Variants in FRMD6 observed in about 807,000 individuals in gnomAD.
The protein encoded by FRMD6 is FERM domain containing 6, also known as FERM domain-containing protein 6.
Under a neutral mutation model 73.2 loss-of-function variants are expected in FRMD6, and 37 were observed. The observed-to-expected ratio is 0.51, with a 90% CI of 0.39 to 0.66. FRMD6 has a LOEUF of 0.66. Ranked by LOEUF, FRMD6 falls within the 30% of genes least tolerant of loss-of-function variation. FRMD6 has a pLI of 0.00. For synonymous variants in FRMD6, 273 were observed against 282.2 expected, an observed-to-expected ratio of 0.97 and a Z score of 0.33; for missense variants, 714 against 780.5, an observed-to-expected ratio of 0.91 and a Z score of 1.02.
the FRMD6 span, chr14:51,436,742 G>C: frequency 1.1e-5 from 6 of 538,036 alleles, no homozygotes; most frequent in Admixed American, 2.6e-5. Context: ...CTTGGTTTCC[G>C]ATATGGATGA....
chr14:51,581,778 GAGCAAA>G (rs1888739316), intron 2 of FRMD6, among the ~76,000 whole-genome samples: 1 of 152,148 alleles, frequency 6.6e-6, no homozygotes, highest in Admixed American at 6.5e-5. Flanking sequence ...AAGTTCAGTT[GAGCAAA>G]AGAACTTTAT....
In FRMD6 at chr14:51,509,528, AAAAACAAAAC is replaced by A. The variant is rs149803242; in HGVS notation, c.-210+20138_-210+20147del. Among the ~76,000 whole-genome samples, 106 of 150,356 alleles carry A rather than the reference AAAAACAAAAC, an allele frequency of 7.0e-4. No individual in the cohort carries two copies. In the South Asian group the frequency reaches 8.0e-3, roughly 11 times the overall value. On this transcript the variant is annotated intron_variant, in intron 1 of 14. Transcript: ENST00000356218. ...GGCGACAGTGCGAGACTCCGTCTCA[AAAAACAAAAC>A]AAAACAAAACAAAACAAAACAAAAC...
At chr14:51,497,158 G>A (rs536402132) in intron 1 of FRMD6, among the ~76,000 whole-genome samples, 19 of 151,930 alleles carry the variant, frequency 1.3e-4, no homozygotes, top group Non-Finnish European at 2.6e-4. Context: ...ACTCAAGCAG[G>A]CAGAATTCCT....
chr14:51,437,396 G>A, the FRMD6 span, among the ~76,000 whole-genome samples: 2 of 152,290 alleles, frequency 1.3e-5, no homozygotes, highest in African/African-American at 2.4e-5. Context: ...TCCGCCTGCC[G>A]GGTTCAAGCG....
chr14:51,491,119 G>A (rs1882979033), intron 1 of FRMD6, among the ~76,000 whole-genome samples: 1 of 152,178 alleles, frequency 6.6e-6, no homozygotes, highest in African/African-American at 2.4e-5. Context: ...GTGTCTCCAA[G>A]GGAAGCTTCT....
chr14:51,603,925 G>A lies in FRMD6; in HGVS notation c.-147+33515G>A, dbSNP rs181924757. On this transcript the variant is annotated intron_variant, in intron 2 of 14. Transcript: ENST00000356218. The stretch of plus-strand genomic sequence containing the variant: ...TGCCATACGATGTCCTGCCTTCCAC[G>A]GTAATTTCTCTTGTGATACAAAAAA... Among the ~76,000 whole-genome samples, 560 of 139,970 alleles carry A rather than the reference G, an allele frequency of 4.0e-3. 2 individuals carry two copies. Among genetic ancestry groups the A allele is most frequent in the Middle Eastern group, 0.01 (3 of 290 alleles). 91.8% of individuals were successfully genotyped at this position (139,970 alleles called of 152,430 possible).
intron 1 of FRMD6, among the ~76,000 whole-genome samples, chr14:51,657,111 A>G (rs1481517789): frequency 6.6e-6 from 1 of 152,230 alleles, no homozygotes; most frequent in Non-Finnish European, 1.5e-5. Flanking sequence ...GAAGTTTCTC[A>G]CTTAGCTTTT....
intron 1 of FRMD6, among the ~76,000 whole-genome samples, chr14:51,680,510 G>A (rs1332989139): frequency 6.6e-6 from 1 of 152,186 alleles, no homozygotes; most frequent in Non-Finnish European, 1.5e-5. Flanking sequence ...ATGGTGTTGA[G>A]AGACAAATAT....
chr14:51,588,155 A>G (rs4898703), intron 2 of FRMD6, among the ~76,000 whole-genome samples: 1 of 152,126 alleles, frequency 6.6e-6, no homozygotes, highest in Non-Finnish European at 1.5e-5. Flanking sequence ...ATGAAAACTT[A>G]CTTTTCTCCT....
chr14:51,518,151 T>C (rs559753590), intron 1 of FRMD6, among the ~76,000 whole-genome samples: 36 of 152,352 alleles, frequency 2.4e-4, no homozygotes, highest in African/African-American at 7.5e-4. Context: ...CCCCGTGGAA[T>C]TGGTGAAGCA....
chr14:51,665,787 G>A lies in FRMD6; in HGVS notation c.-147+13791G>A, dbSNP rs192825337. 9.1e-4 allele frequency among the ~76,000 whole-genome samples: 138 copies of A among 152,248 alleles called. 2 individuals are homozygous for A. Among genetic ancestry groups the A allele is most frequent in the Admixed American group, 5.4e-3 (82 of 15,298 alleles). ...TGAATCATGGCGGTGTGTCTTTCCC[G>A]TGCTGTTCTCGTGATAATGATTAAG... On this transcript the variant is annotated intron_variant, in intron 1 of 13. Transcript: ENST00000344768.
At chr14:51,439,603 G>A in the FRMD6 span, among the ~76,000 whole-genome samples, 17 of 152,274 alleles carry the variant, frequency 1.1e-4, no homozygotes, top group Middle Eastern at 3.4e-3. Context: ...CCACTAACGT[G>A]TTCACTAGGT....
intron 2 of FRMD6, among the ~76,000 whole-genome samples, chr14:51,622,697 G>T (rs940934162): frequency 1.3e-5 from 2 of 152,144 alleles, no homozygotes; most frequent in African/African-American, 4.8e-5. Flanking sequence ...GTATCCTAAA[G>T]ATTCATCCCA....
intron 2 of FRMD6, among the ~76,000 whole-genome samples, chr14:51,588,744 A>G (rs1195046042): frequency 6.6e-6 from 1 of 152,238 alleles, no homozygotes; most frequent in Non-Finnish European, 1.5e-5. Context: ...TGGCGAACTT[A>G]AACTGTAAAG....
At chr14:51,668,857 C>T (rs997813631) in intron 1 of FRMD6, among the ~76,000 whole-genome samples, 5 of 151,610 alleles carry the variant, frequency 3.3e-5, no homozygotes, top group Non-Finnish European at 2.9e-5. Flanking sequence ...TTAGCAGAGA[C>T]GGGGTTTCAC....
intron 1 of FRMD6, among the ~76,000 whole-genome samples, chr14:51,670,963 A>C (rs942742278): frequency 6.6e-6 from 1 of 152,202 alleles, no homozygotes; most frequent in Non-Finnish European, 1.5e-5. Flanking sequence ...ATGTTTTATC[A>C]TGAACATATG....
intron 2 of FRMD6, among the ~76,000 whole-genome samples, chr14:51,588,186 C>A (rs140505463): frequency 6.6e-6 from 1 of 152,032 alleles, no homozygotes; most frequent in Non-Finnish European, 1.5e-5. Flanking sequence ...AGCATTTCCC[C>A]CCCTCCCAAA....
At chr14:51,686,152 T>TA (rs36076664) in intron 1 of FRMD6, among the ~76,000 whole-genome samples, 42,367 of 152,006 alleles carry the variant, frequency 0.28, 6,600 homozygotes, top group Non-Finnish European at 0.35. Context: ...GACCTACTTT[T>TA]AATTTTAAAA....
In FRMD6 at chr14:51,579,758, C is replaced by T. The variant is rs1783273364; in HGVS notation, c.-147+9348C>T. ...CCTCCTCTCTCACTGTTCACCTGAC[C>T]CTAGACCCCTCTCCCTTTGCAACTT... On this transcript the variant is annotated intron_variant, in intron 2 of 14. Coordinates refer to the FRMD6 transcript ENST00000356218. Among the ~76,000 whole-genome samples the T allele has an allele frequency of 2.0e-5, 3 of 152,120 alleles. No homozygotes were observed. The South Asian group carries it at 6.2e-4, about 32-fold the overall frequency.
Sources: allele counts gnomAD v4.1 joint callset (sites outside exome capture counted in the v4.1 genomes callset), GRCh38; gene constraint gnomAD v4.1.1; transcripts MANE v1.5; gene names NCBI Gene and HGNC (gene_info 2026-07-23, HGNC 2026-07-21).